The following HMGXB4 variants were observed in gnomAD, a reference collection of about 807,000 sequenced individuals.
HMGXB4 encodes the protein HMG-box containing 4.
Under a neutral mutation model 63.9 loss-of-function variants are expected in HMGXB4, and 27 were observed. The observed-to-expected ratio is 0.42, with a 90% CI of 0.31 to 0.58. HMGXB4 has a LOEUF of 0.58. Among genes scored for constraint, HMGXB4 ranks in the 20% least tolerant of loss-of-function variants. HMGXB4 has a pLI of 0.13. For missense variants in HMGXB4, 624 were observed against 700.7 expected (o/e 0.89, Z 1.24); for synonymous variants, 264 against 265.3 (o/e 0.99, Z 0.05).
chr22:35,283,857 A>C (rs894875718), intron 5 of HMGXB4, 105 bp from the exon 6 acceptor site: 1 of 747,590 alleles, frequency 1.3e-6, no homozygotes, highest in African/African-American at 1.7e-5. Flanking sequence ...TCTTCCCTTG[A>C]TGAAAAAGTT....
Position 35,265,008 on chromosome 22 carries a change from A to T in HMGXB4, c.620A>T (p.Asp207Val), listed in dbSNP as rs75473111. Residue 207 changes from aspartate (D) to valine (V), a missense_variant, in exon 5 of 11, where the codon GAT becomes GTT. Physicochemically the swap from Asp to Val is radical, Grantham distance 152. Transcript: ENST00000216106. ...SPKEKGSSSVDEESFQYPSQQ... is the reference protein window; with the variant it reads ...SPKEKGSSSVVEESFQYPSQQ... ...AAGGAGAAGGGAAGCAGCTCTGTTG[A>T]TGAGGAGTCTTTTCAATATCCCTCC... 6.2e-7 allele frequency: 1 copy of T among 1,613,646 alleles called. No individual in the cohort carries two copies. The highest frequency in any genetic ancestry group is 1.3e-5 in the African/African-American group (1 of 74,870).
intron 8 of HMGXB4, among the ~76,000 whole-genome samples, chr22:35,287,773 AC>A (rs1374741096): frequency 6.6e-6 from 1 of 151,984 alleles, no homozygotes; most frequent in Non-Finnish European, 1.5e-5. Flanking sequence ...ACATGGAGAA[AC>A]CCCGTCTCTA....
At chr22:35,271,746 A>G (rs1923620011) in intron 5 of HMGXB4, among the ~76,000 whole-genome samples, 2 of 152,224 alleles carry the variant, frequency 1.3e-5, no homozygotes, top group Admixed American at 6.5e-5. Context: ...TTTTGAGACA[A>G]ACAACAATAC....
At chr22:35,255,273 G>A (rs1922342988), upstream of HMGXB4, among the ~76,000 whole-genome samples, 1 of 152,038 alleles carries the variant, frequency 6.6e-6, no homozygotes, top group African/African-American at 2.4e-5. Context: ...CAAGGCAGGA[G>A]GATTGCTTGA....
chr22:35,288,860 G>A (rs5750094), intron 9 of HMGXB4, among the ~76,000 whole-genome samples: 77,218 of 152,076 alleles, frequency 0.51, 22,677 homozygotes, highest in Non-Finnish European at 0.65. Context: ...ATAAAAATGG[G>A]GCCGGGCGTG....
chr22:35,283,953 CG>C lies in HMGXB4; in HGVS notation c.1216-7del. 6.2e-7 allele frequency: 1 copy of C among 1,605,528 alleles called. No individual in the cohort carries two copies. The highest frequency in any genetic ancestry group is 8.5e-7 in the Non-Finnish European group (1 of 1,172,052). Reference sequence around the variant, plus strand: ...GTCTTACCCTGTTGTATCTTCTATGCGGCATTAGCCAAAAAAGAAGAACATG... The same window carrying C: ...GTCTTACCCTGTTGTATCTTCTATGCGCATTAGCCAAAAAAGAAGAACATG... On this transcript the variant is annotated splice_region_variant and splice_polypyrimidine_tract_variant and intron_variant, in intron 5 of 10. Coordinates refer to ENST00000216106, the MANE Select transcript of HMGXB4 (RefSeq NM_001003681.3).
At chr22:35,248,136 A>C in the HMGXB4 span, among the ~76,000 whole-genome samples, 1 of 152,216 alleles carries the variant, frequency 6.6e-6, no homozygotes, top group Non-Finnish European at 1.5e-5. Flanking sequence ...AACATAGAAA[A>C]GGTACAATAA....
intron 6 of HMGXB4, among the ~76,000 whole-genome samples, chr22:35,284,473 C>G (rs982256183): frequency 6.6e-6 from 1 of 152,292 alleles, no homozygotes; most frequent in East Asian, 1.9e-4. Context: ...GTCAAAAATG[C>G]ATTTAATACA....
intron 5 of HMGXB4, among the ~76,000 whole-genome samples, chr22:35,273,480 G>A (rs768245239): frequency 6.6e-6 from 1 of 152,214 alleles, no homozygotes; most frequent in Non-Finnish European, 1.5e-5. Flanking sequence ...AAATTAGGTG[G>A]TGCATGTAAC....
rs1923008574 is a variant in HMGXB4 at position 35,263,638 on chromosome 22, T to A, written c.181-158T>A. On this transcript the variant is annotated intron_variant, in intron 3 of 10. Transcript: ENST00000216106. ...AATATTTGAAGAAGGAAGTATTTTTTAATAACTTGAGAAAAGAAAAATAAA... is the reference window on the plus strand; with the variant it reads ...AATATTTGAAGAAGGAAGTATTTTTAAATAACTTGAGAAAAGAAAAATAAA... Among the ~76,000 whole-genome samples, 4 of 152,354 alleles carry A rather than the reference T, an allele frequency of 2.6e-5. No homozygotes were observed. In the South Asian group the frequency reaches 8.3e-4, roughly 32 times the overall value.
intron 5 of HMGXB4, among the ~76,000 whole-genome samples, chr22:35,282,740 T>C (rs1422900005): frequency 6.6e-6 from 1 of 152,222 alleles, no homozygotes; most frequent in Non-Finnish European, 1.5e-5. Flanking sequence ...GGTCTGGTAT[T>C]ATTACTAGCT....
chr22:35,288,357 C>T lies in HMGXB4; in HGVS notation c.1588C>T (p.Leu530=), dbSNP rs182663671. 5.0e-6 allele frequency: 8 copies of T among 1,613,118 alleles called. No homozygotes were observed. The Admixed American group carries it at 1.0e-4, about 20-fold the overall frequency. ...EPIDVAAHLQ[L]LGESLSLIGH... ...CATTGATGTTGCTGCTCATCTTCAGCTGTTGGGAGAGTCCCTAAGCCTCAT... is the reference window on the plus strand; with the variant it reads ...CATTGATGTTGCTGCTCATCTTCAGTTGTTGGGAGAGTCCCTAAGCCTCAT... The change falls in exon 9 of 11, where the codon CTG becomes TTG. Residue 530 remains leucine (L), a synonymous_variant. Coordinates refer to ENST00000216106, the MANE Select transcript of HMGXB4 (RefSeq NM_001003681.3).
At chr22:35,244,391 A>T in the HMGXB4 span, among the ~76,000 whole-genome samples, 2 of 151,564 alleles carry the variant, frequency 1.3e-5, no homozygotes, top group Non-Finnish European at 2.9e-5. Flanking sequence ...CCTCCTCGTA[A>T]AATAGAGTTT....
the HMGXB4 span, among the ~76,000 whole-genome samples, chr22:35,242,929 T>C: frequency 2.0e-5 from 3 of 152,342 alleles, no homozygotes; most frequent in East Asian, 5.8e-4. Context: ...GAGATTTTAC[T>C]ATTATCTTTC....
chr22:35,254,130 G>C (rs1263223952), upstream of HMGXB4, among the ~76,000 whole-genome samples: 1 of 152,192 alleles, frequency 6.6e-6, no homozygotes, highest in Non-Finnish European at 1.5e-5. Flanking sequence ...AGCACAATTT[G>C]ACAGGCCCCA....
intron 5 of HMGXB4, among the ~76,000 whole-genome samples, chr22:35,279,677 CTTTTT>C (rs35564206): frequency 0.067 from 3,680 of 55,066 alleles, 63 homozygotes; most frequent in East Asian, 0.11. Context: ...GTCTAGATTC[CTTTTT>C]TTTTTTTTTT....
intron 9 of HMGXB4, among the ~76,000 whole-genome samples, chr22:35,291,134 A>T (rs1924908355): frequency 6.6e-6 from 1 of 152,148 alleles, no homozygotes; most frequent in South Asian, 2.1e-4. Context: ...GTGGTGGTGC[A>T]CACCTGTAAT....
chr22:35,259,287 C>A (rs530771598), intron 1 of HMGXB4, among the ~76,000 whole-genome samples: 1 of 152,356 alleles, frequency 6.6e-6, no homozygotes, highest in African/African-American at 2.4e-5. Context: ...TCTTAGCACA[C>A]TGAGACAAAC....
chr22:35,248,870 T>C, the HMGXB4 span, among the ~76,000 whole-genome samples: 1 of 151,992 alleles, frequency 6.6e-6, no homozygotes, highest in Non-Finnish European at 1.5e-5. Flanking sequence ...CAACATGAGA[T>C]TTGGAGGTGA....
Sources: allele counts gnomAD v4.1 joint callset (sites outside exome capture counted in the v4.1 genomes callset), GRCh38; gene constraint gnomAD v4.1.1; transcripts MANE v1.5; gene names NCBI Gene and HGNC (gene_info 2026-07-23, HGNC 2026-07-21).